CLYBL: variants seen among roughly 807,000 people sequenced by gnomAD.
The protein encoded by CLYBL is citramalyl-CoA lyase.
CLYBL carries 31 observed loss-of-function variants against 38.9 expected under a neutral mutation model. The observed-to-expected ratio is 0.80, with a 90% CI of 0.60 to 1.08. The LOEUF is 1.08. CLYBL is among the 50% of genes least tolerant of loss of function. The probability of loss-of-function intolerance (pLI) is 0.00; values close to 1 mark genes in which losing one functional copy is unlikely to be tolerated. For synonymous variants in CLYBL, 171 were observed against 158.6 expected (o/e 1.08, Z -0.59); for missense variants, 434 against 411.6 (o/e 1.05, Z -0.47).
chr13:99,864,768 T>G, intron 4 of CLYBL, 50 bp from the exon 5 acceptor site: 1 of 1,294,316 alleles, frequency 7.7e-7, no homozygotes, highest in Non-Finnish European at 1.1e-6. Context: ...GCCTCTTCCC[T>G]CTGACGCACG....
chr13:99,739,903 G>A (rs542292033), intron 1 of CLYBL, among the ~76,000 whole-genome samples: 2 of 152,224 alleles, frequency 1.3e-5, no homozygotes, highest in East Asian at 3.9e-4. Context: ...CCCGGGAGGC[G>A]GAGGTTGCAG....
chr13:99,693,143 T>G (rs1460656273), intron 1 of CLYBL, among the ~76,000 whole-genome samples: 2 of 152,186 alleles, frequency 1.3e-5, no homozygotes, highest in Non-Finnish European at 2.9e-5. Context: ...AACTGGGATG[T>G]ATAGCGTTTT....
chr13:99,696,367 C>G (rs2047979403), intron 1 of CLYBL, among the ~76,000 whole-genome samples: 1 of 151,828 alleles, frequency 6.6e-6, no homozygotes, highest in African/African-American at 2.4e-5. Context: ...ATAGCTGGGA[C>G]CATAGGTATA....
intron 8 of CLYBL, among the ~76,000 whole-genome samples, chr13:99,903,613 CT>C (rs1412721375): frequency 6.6e-6 from 1 of 152,126 alleles, no homozygotes; most frequent in Admixed American, 6.5e-5. Context: ...TTTTGGATAA[CT>C]GGCTTAAAAC....
intron 1 of CLYBL, among the ~76,000 whole-genome samples, chr13:99,717,436 G>GAAAAAAAAAAAAAAAAAAA (rs1172721313): frequency 1.1e-5 from 1 of 91,084 alleles, no homozygotes; most frequent in African/African-American, 4.0e-5. Flanking sequence ...AAAAAAATTA[G>GAAAAAAAAAAAAAAAAAAA]AAAAAAAAAA....
intron 1 of CLYBL, among the ~76,000 whole-genome samples, chr13:99,698,708 A>C (rs2048016466): frequency 6.6e-6 from 1 of 152,230 alleles, no homozygotes; most frequent in South Asian, 2.1e-4. Context: ...AAGCCCTGGA[A>C]GATGATGAAA....
intron 7 of CLYBL, among the ~76,000 whole-genome samples, chr13:99,888,246 A>G (rs1359603605): frequency 2.1e-5 from 3 of 143,764 alleles, no homozygotes; most frequent in Non-Finnish European, 4.6e-5. Context: ...ACACTTAAAA[A>G]TGTCTAAGAT....
chr13:99,684,035 A>ATTTTTTTTT (rs778902077), intron 1 of CLYBL, among the ~76,000 whole-genome samples: 2,044 of 86,214 alleles, frequency 0.024, 103 homozygotes, highest in African/African-American at 0.054. Flanking sequence ...TGCCTGGCTA[A>ATTTTTTTTT]TTTTTTTTTT....
rs960129275 is a variant in CLYBL at position 99,864,878 on chromosome 13, G to A, written c.601G>A (p.Val201Ile). Residue 201 changes from valine (V) to isoleucine (I), a missense_variant, in exon 5 of 9, where the codon GTT becomes ATT. Physicochemically the swap from Val to Ile is conservative, Grantham distance 29 (BLOSUM62 3). Transcript: ENST00000339105. ...AGTAGGTCTCTTTCTAGATGCAGTCGTTTTTGGAGGAGAAGACTTTCGAGC... is the reference window on the plus strand; with the variant it reads ...AGTAGGTCTCTTTCTAGATGCAGTCATTTTTGGAGGAGAAGACTTTCGAGC... The part of the protein sequence containing the change: ...PQVGLFLDAV[V>I]FGGEDFRASI... 8.1e-6 allele frequency: 13 copies of A among 1,613,660 alleles called. No individual in the cohort carries two copies. Among genetic ancestry groups the A allele is most frequent in the South Asian group, 2.2e-5 (2 of 91,066 alleles).
chr13:99,747,866 G>C (rs776573969), intron 1 of CLYBL, among the ~76,000 whole-genome samples: 2 of 152,102 alleles, frequency 1.3e-5, no homozygotes, highest in Non-Finnish European at 2.9e-5. Context: ...TGATCAATAC[G>C]TTTTTGTTTA....
intron 2 of CLYBL, among the ~76,000 whole-genome samples, chr13:99,854,539 C>T (rs1159470434): frequency 1.3e-5 from 2 of 151,884 alleles, no homozygotes; most frequent in Non-Finnish European, 1.5e-5. Context: ...ACTTCACACT[C>T]GATTTATTCT....
chr13:99,851,321 C>T (rs1399091180), intron 2 of CLYBL, among the ~76,000 whole-genome samples: 1 of 130,828 alleles, frequency 7.6e-6, no homozygotes, highest in Non-Finnish European at 1.5e-5. Flanking sequence ...GAGCCGAGAT[C>T]ATGCCATTGC....
chr13:99,704,459 A>G (rs867432560), intron 1 of CLYBL, among the ~76,000 whole-genome samples: 2 of 152,374 alleles, frequency 1.3e-5, no homozygotes, highest in South Asian at 4.1e-4. Context: ...CTGTAAACCT[A>G]AATCATGATT....
At chr13:99,647,323 C>A (rs1381509556) in intron 1 of CLYBL, among the ~76,000 whole-genome samples, 1 of 152,164 alleles carries the variant, frequency 6.6e-6, no homozygotes, top group Non-Finnish European at 1.5e-5. Context: ...CAAATCAAGA[C>A]GTGTGGCTCT....
intron 1 of CLYBL, among the ~76,000 whole-genome samples, chr13:99,712,563 G>T (rs905512184): frequency 6.6e-6 from 1 of 151,704 alleles, no homozygotes; most frequent in Admixed American, 6.6e-5. Context: ...GCCCAGGTTG[G>T]TCTCCAAGTC....
intron 2 of CLYBL, among the ~76,000 whole-genome samples, chr13:99,847,037 C>T (rs2051222212): frequency 6.6e-6 from 1 of 152,088 alleles, no homozygotes; most frequent in Non-Finnish European, 1.5e-5. Flanking sequence ...GGATCGGCTT[C>T]CAGTAATGTG....
chr13:99,902,110 A>G (rs2052650560), downstream of CLYBL, among the ~76,000 whole-genome samples: 1 of 152,252 alleles, frequency 6.6e-6, no homozygotes, highest in African/African-American at 2.4e-5. Flanking sequence ...ACATGTACAT[A>G]CAAACTCATA....
rs540742088 is a variant in CLYBL, at chr13:99,669,437, T to C, written c.62+62680T>C. ...TTCCACAAGCACATTATGCAGTCAT[T>C]TTTCTAGGAACTGGAGAGAGGGGAG... On this transcript the variant is annotated intron_variant, in intron 1 of 8. Coordinates refer to ENST00000339105, the MANE Select transcript of CLYBL (RefSeq NM_206808.5). Among the ~76,000 whole-genome samples, 4 of 152,234 alleles carry C rather than the reference T, an allele frequency of 2.6e-5. No homozygotes were observed. In the South Asian group the frequency reaches 8.3e-4, roughly 32 times the overall value.
At chr13:99,644,460 G>A (rs2047147574) in intron 1 of CLYBL, among the ~76,000 whole-genome samples, 3 of 152,170 alleles carry the variant, frequency 2.0e-5, no homozygotes, top group Non-Finnish European at 4.4e-5. Flanking sequence ...TCACATCAAG[G>A]TAAATAGGGT....
Sources: allele counts gnomAD v4.1 joint callset (sites outside exome capture counted in the v4.1 genomes callset), GRCh38; gene constraint gnomAD v4.1.1; transcripts MANE v1.5; gene names NCBI Gene and HGNC (gene_info 2026-07-23, HGNC 2026-07-21).